Variants in ZBP1 observed in about 807,000 individuals in gnomAD.
The protein encoded by ZBP1 is Z-DNA binding protein 1.
A neutral mutation model predicts 41.1 loss-of-function variants in ZBP1; 42 were observed. That is an observed-to-expected ratio of 1.02 (90% CI 0.80 to 1.32). The LOEUF (loss-of-function observed/expected upper bound fraction) is 1.32. Among genes scored for constraint, ZBP1 ranks in the 40% most tolerant of loss-of-function variants. The probability of loss-of-function intolerance (pLI) is 0.00; values close to 1 mark genes in which losing one functional copy is unlikely to be tolerated. For missense variants in ZBP1, 562 were observed against 549.7 expected (o/e 1.02, Z -0.22); for synonymous variants, 214 against 205.2 (o/e 1.04, Z -0.37).
chr20:57,616,094 A>G (rs2070816594), intron 2 of ZBP1, 150 bp downstream of exon 2: 4 of 753,700 alleles, frequency 5.3e-6, no homozygotes, highest in South Asian at 1.8e-5. Flanking sequence ...AGCTCCATCA[A>G]CCAGAAAAAG....
intron 7 of ZBP1, among the ~76,000 whole-genome samples, chr20:57,605,970 C>T (rs141189660): frequency 2.0e-5 from 3 of 152,224 alleles, no homozygotes; most frequent in African/African-American, 4.8e-5. Flanking sequence ...TAACCCCAAA[C>T]GGCCTCTATG....
intron 1 of ZBP1, among the ~76,000 whole-genome samples, chr20:57,618,254 T>C (rs2070896341): frequency 6.6e-6 from 1 of 152,074 alleles, no homozygotes; most frequent in South Asian, 2.1e-4. Flanking sequence ...CTGAGGGCAG[T>C]GCATGGGAGA....
At position 57,613,373 on chromosome 20, in the gene ZBP1, G is replaced by C. The variant is rs201074868; in HGVS notation, c.503-43C>G. 3.3e-4 allele frequency: 520 copies of C among 1,587,468 alleles called. No individual in the cohort carries two copies. The highest frequency in any genetic ancestry group is 3.3e-4 in the Middle Eastern group (2 of 6,018). On this transcript the variant is annotated intron_variant, in intron 4 of 7. Coordinates refer to ENST00000371173, the MANE Select transcript of ZBP1 (RefSeq NM_030776.3). This position sits in a 1 kb window ranked among gnomAD's most constrained non-coding sequence, Gnocchi z 4.5. Reference sequence around the variant, plus strand: ...ACTGTATCCCTTTGCCACTGTCTATGGGTCAGGGGTTCCCAATACCAGTCG... The same window carrying C: ...ACTGTATCCCTTTGCCACTGTCTATCGGTCAGGGGTTCCCAATACCAGTCG...
At position 57,604,408 on chromosome 20, in the gene ZBP1, A is replaced by G. The variant is rs2070444815; in HGVS notation, c.*165T>C. ...CTGGCCATCAAAAGACCTGGCCTGA[A>G]CCCATCCCCATGCCAGGTCCATTCC... On this transcript the variant is annotated 3_prime_UTR_variant, in exon 8 of 8. Coordinates refer to ENST00000371173, the MANE Select transcript of ZBP1 (RefSeq NM_030776.3). 1.2e-6 allele frequency: 1 copy of G among 861,274 alleles called. No homozygotes were observed. Among genetic ancestry groups the G allele is most frequent in the East Asian group, 2.6e-5 (1 of 38,250 alleles). The allele number at this position is 861,274 out of a possible 1,614,324, so 53.4% of individuals were successfully genotyped here. A position where few individuals can be genotyped will look rare whatever the true frequency, so the allele number is the denominator to read the frequency against.
chr20:57,615,169 C>A lies in ZBP1; in HGVS notation c.329-109G>T, dbSNP rs187782635. On this transcript the variant is annotated intron_variant, in intron 3 of 7. Transcript: ENST00000371173. Reference sequence around the variant, plus strand: ...ACCCAGCCCCTCAAGGCCTGGTTTCCTCATCTGTAAAATGGGTGTCATGAT... The same window carrying A: ...ACCCAGCCCCTCAAGGCCTGGTTTCATCATCTGTAAAATGGGTGTCATGAT... The A allele has an allele frequency of 7.3e-6, 9 of 1,236,314 alleles. No homozygotes were observed. The East Asian group carries it at 2.1e-4, about 29-fold the overall frequency. The allele number at this position is 1,236,314 out of a possible 1,614,324, so 76.6% of individuals were successfully genotyped here.
intron 7 of ZBP1, among the ~76,000 whole-genome samples, chr20:57,609,444 C>T (rs1196755997): frequency 5.3e-5 from 8 of 152,072 alleles, no homozygotes; most frequent in African/African-American, 1.9e-4. Context: ...CTTCCCAGAC[C>T]CCCCGTGGCT....
Position 57,615,511 on chromosome 20 carries a change from C to A in ZBP1, c.328+1G>T. The A allele has an allele frequency of 6.2e-7, 1 of 1,613,498 alleles. No homozygotes were observed. The highest frequency in any genetic ancestry group is 1.7e-5 in the Admixed American group (1 of 59,830). On this transcript the variant is annotated splice_donor_variant, in intron 3 of 7. Coordinates refer to ENST00000371173, the MANE Select transcript of ZBP1 (RefSeq NM_030776.3). LOFTEE classifies it high-confidence loss of function. Reference sequence around the variant, plus strand: ...AACTGAAGGGACATGCAAAAACTTACCCCGTTGTTGGCTGAACTGAGGGCC... The same window carrying A: ...AACTGAAGGGACATGCAAAAACTTAACCCGTTGTTGGCTGAACTGAGGGCC...
In ZBP1 at chr20:57,615,164, G is replaced by A. The variant is rs565171754; in HGVS notation, c.329-104C>T. ...CCTGGACCCAGCCCCTCAAGGCCTG[G>A]TTTCCTCATCTGTAAAATGGGTGTC... On this transcript the variant is annotated intron_variant, in intron 3 of 7. Coordinates refer to ENST00000371173, the MANE Select transcript of ZBP1 (RefSeq NM_030776.3). 3.1e-6 allele frequency: 4 copies of A among 1,283,284 alleles called. No individual in the cohort carries two copies. The East Asian group carries it at 6.9e-5, about 22-fold the overall frequency. The allele number at this position is 1,283,284 out of a possible 1,614,324, so 79.5% of individuals were successfully genotyped here.
In ZBP1 at chr20:57,607,082, T is replaced by C. The variant is rs757291393; in HGVS notation, c.1094-2313A>G. ...TTCTTATTCTTCAATAAATATATTT[T>C]ATGAGGGCATAAGTGCAACACAGAG... On this transcript the variant is annotated intron_variant, in intron 7 of 7. Transcript: ENST00000371173. 4.8e-5 allele frequency: 63 copies of C among 1,302,302 alleles called. No individual in the cohort carries two copies. In the Middle Eastern group the frequency reaches 6.4e-4, roughly 13 times the overall value. The allele number at this position is 1,302,302 out of a possible 1,614,324, so 80.7% of individuals were successfully genotyped here. A position where few individuals can be genotyped will look rare whatever the true frequency, so the allele number is the denominator to read the frequency against.
chr20:57,616,355 A>G lies in ZBP1; in HGVS notation c.148T>C (p.Tyr50His). The change falls in exon 2 of 8, where the codon TAC becomes CAC. Residue 50 changes from tyrosine to histidine, a missense_variant. Physicochemically the swap from Tyr to His is moderately conservative, Grantham distance 83 (BLOSUM62 2). Transcript: ENST00000371173. ...ACTTTCAACTCCTTTTTCATTCGGTAGAGGACTTGGTTGAGCTCCCTCTTG... is the reference window on the plus strand; with the variant it reads ...ACTTTCAACTCCTTTTTCATTCGGTGGAGGACTTGGTTGAGCTCCCTCTTG... ...APKRELNQVL[Y>H]RMKKELKVSL... The G allele has an allele frequency of 6.8e-6, 11 of 1,614,172 alleles. No homozygotes were observed. The highest frequency in any genetic ancestry group is 9.3e-6 in the Non-Finnish European group (11 of 1,180,022).
rs566015974 is a variant in ZBP1 at position 57,614,098 on chromosome 20, G to A, written c.503-768C>T. On this transcript the variant is annotated intron_variant, in intron 4 of 7. Transcript: ENST00000371173. ...TGCCCAGGCTGGAGTGCAATGGCGC[G>A]ATCTCAGCTCAGTGCAACCTCTGCC... Among the ~76,000 whole-genome samples the A allele has an allele frequency of 1.4e-4, 21 of 152,262 alleles. 1 individual carries two copies. The South Asian group carries it at 2.3e-3, about 17-fold the overall frequency.
At chr20:57,608,157 T>C (rs1017055149) in intron 7 of ZBP1, among the ~76,000 whole-genome samples, 1 of 152,042 alleles carries the variant, frequency 6.6e-6, no homozygotes, top group African/African-American at 2.4e-5. Flanking sequence ...AGTCTTGCTC[T>C]GTCGCCCAGG....
At chr20:57,615,989 G>A in intron 2 of ZBP1, 3 of 574,166 alleles carry the variant, frequency 5.2e-6, no homozygotes, top group Non-Finnish European at 9.3e-6. Context: ...TATTATAATT[G>A]TTAGTGTTCT....
At position 57,620,371 on chromosome 20, in the gene ZBP1, GC is replaced by G; in HGVS notation, c.-77del. 4.6e-6 allele frequency: 7 copies of G among 1,516,748 alleles called. No homozygotes were observed. The highest frequency in any genetic ancestry group is 6.2e-6 in the Non-Finnish European group (7 of 1,120,626). The allele number at this position is 1,516,748 out of a possible 1,614,324, so 94.0% of individuals were successfully genotyped here. On this transcript the variant is annotated 5_prime_UTR_variant, in exon 1 of 8. Coordinates refer to ENST00000371173, the MANE Select transcript of ZBP1 (RefSeq NM_030776.3). Reference sequence around the variant, plus strand: ...CTGCACTGTGGCCCTGAGAGGGTGGGCTAGGTCGAGGCTGGGGCTTCTGAAG... The same window carrying G: ...CTGCACTGTGGCCCTGAGAGGGTGGGTAGGTCGAGGCTGGGGCTTCTGAAG...
intron 7 of ZBP1, chr20:57,607,127 G>C (rs4811888): frequency 0.14 from 184,854 of 1,304,106 alleles, 13,440 homozygotes; most frequent in East Asian, 0.23. Flanking sequence ...AGATGGATCT[G>C]GGCAAAGTAA....
intron 1 of ZBP1, 42 bp downstream of exon 1, chr20:57,620,220 C>T (rs1233904456): frequency 1.9e-6 from 3 of 1,561,694 alleles, no homozygotes; most frequent in African/African-American, 1.4e-5. Flanking sequence ...AAATCTCACC[C>T]CGGGAGCTAC....
intron 4 of ZBP1, among the ~76,000 whole-genome samples, chr20:57,614,500 C>T (rs1255357815): frequency 2.0e-5 from 3 of 152,278 alleles, no homozygotes; most frequent in African/African-American, 7.2e-5. Flanking sequence ...CCTGGGGCTC[C>T]AGCCGGTAGG....
At chr20:57,609,471 A>G (rs2070589289) in intron 7 of ZBP1, among the ~76,000 whole-genome samples, 1 of 152,068 alleles carries the variant, frequency 6.6e-6, no homozygotes, top group African/African-American at 2.4e-5. Flanking sequence ...AGGCCCTCAG[A>G]ACAGCACAGA....
In ZBP1 at chr20:57,611,128, A is replaced by T. The variant is rs568139218; in HGVS notation, c.874+599T>A. Among the ~76,000 whole-genome samples the T allele has an allele frequency of 7.9e-5, 12 of 152,018 alleles. No individual in the cohort carries two copies. The South Asian group carries it at 2.5e-3, about 32-fold the overall frequency. Reference sequence around the variant, plus strand: ...TCCCTAAACACCATTCCAGTCTCAAACCATCACCCTGCTCCAGTTGGCCCA... The same window carrying T: ...TCCCTAAACACCATTCCAGTCTCAATCCATCACCCTGCTCCAGTTGGCCCA... On this transcript the variant is annotated intron_variant, in intron 6 of 7. Coordinates refer to ENST00000371173, the MANE Select transcript of ZBP1 (RefSeq NM_030776.3).
Sources: gnomAD v4.1 joint callset for allele counts (sites outside exome capture counted in the v4.1 genomes callset) on GRCh38, gnomAD v4.1.1 for gene constraint, Gnocchi (gnomAD v3.1) non-coding constraint, MANE v1.5 for transcripts, NCBI Gene and HGNC (gene_info 2026-07-23, HGNC 2026-07-21) for gene names.